GADL1: variants seen among roughly 807,000 people sequenced by gnomAD.
The protein encoded by GADL1 is acidic amino acid decarboxylase GADL1.
In GADL1, 71 loss-of-function variants were observed where a neutral mutation model predicts 69.5. That is an observed-to-expected ratio of 1.02 (90% confidence interval 0.84 to 1.25). GADL1 has a LOEUF of 1.25. Ranked by LOEUF, GADL1 falls within the 50% of genes most tolerant of loss-of-function variation. The probability of loss-of-function intolerance (pLI) is 0.00; values close to 1 mark genes in which losing one functional copy is unlikely to be tolerated. For synonymous variants in GADL1, 254 were observed against 214.4 expected (o/e 1.18, Z -1.62); for missense variants, 737 against 631.8 (o/e 1.17, Z -1.79).
intron 14 of GADL1, among the ~76,000 whole-genome samples, chr3:30,768,987 A>G (rs964439334): frequency 6.6e-6 from 1 of 152,166 alleles, no homozygotes; most frequent in Non-Finnish European, 1.5e-5. Context: ...CCAGGGGTCT[A>G]TTCTTTGTTT....
chr3:30,889,084 T>TATAA (rs1698748582), intron 1 of GADL1, among the ~76,000 whole-genome samples: 1 of 32,916 alleles, frequency 3.0e-5, no homozygotes, highest in Non-Finnish European at 6.7e-5. Context: ...CGGTAATCTA[T>TATAA]AAAAAAAAAA....
chr3:30,821,038 T>C (rs1697569783), intron 11 of GADL1, among the ~76,000 whole-genome samples: 1 of 151,766 alleles, frequency 6.6e-6, no homozygotes, highest in African/African-American at 2.4e-5. Flanking sequence ...TGGATGAAAA[T>C]TGGAAATCAT....
chr3:30,864,212 G>T (rs956353798), intron 1 of GADL1, among the ~76,000 whole-genome samples: 4 of 151,916 alleles, frequency 2.6e-5, no homozygotes, highest in African/African-American at 9.7e-5. Context: ...GGTTATGTGA[G>T]TAGGCAGTGC....
intron 11 of GADL1, among the ~76,000 whole-genome samples, chr3:30,828,461 C>A: frequency 8.4e-6 from 1 of 119,066 alleles, no homozygotes; most frequent in Non-Finnish European, 1.9e-5. Context: ...TCTGCTACTC[C>A]TTCTCCAAAA....
intron 1 of GADL1, among the ~76,000 whole-genome samples, chr3:30,881,673 G>C (rs1251817330): frequency 6.6e-6 from 1 of 151,910 alleles, no homozygotes; most frequent in Non-Finnish European, 1.5e-5. Flanking sequence ...GTTATGATCA[G>C]TGCTGTCTAG....
intron 11 of GADL1, among the ~76,000 whole-genome samples, chr3:30,812,390 G>A (rs1047896023): frequency 1.2e-4 from 18 of 152,312 alleles, no homozygotes; most frequent in Admixed American, 9.8e-4. Context: ...ACAGTTCCAC[G>A]TGGCTGGGAA....
chr3:30,763,508 G>GGGGGTGGGGGTGGGGGT (rs1430321518), intron 14 of GADL1, among the ~76,000 whole-genome samples: 5 of 93,320 alleles, frequency 5.4e-5, no homozygotes, highest in African/African-American at 2.2e-4. Context: ...TCTCGGCGGC[G>GGGGGTGGGGGTGGGGGT]GGGGGTGGGG....
intron 14 of GADL1, among the ~76,000 whole-genome samples, chr3:30,758,176 C>T (rs1184272920): frequency 1.3e-5 from 2 of 152,214 alleles, no homozygotes; most frequent in East Asian, 1.9e-4. Flanking sequence ...CTTGGCTTTA[C>T]TCAACATTCT....
chr3:30,761,588 T>C (rs931930123), intron 14 of GADL1, among the ~76,000 whole-genome samples: 3 of 152,232 alleles, frequency 2.0e-5, no homozygotes, highest in African/African-American at 4.8e-5. Context: ...ATCTTTGTTC[T>C]GTGTCCAGGA....
intron 12 of GADL1, among the ~76,000 whole-genome samples, chr3:30,794,472 T>A (rs1414204183): frequency 2.6e-5 from 4 of 152,204 alleles, no homozygotes; most frequent in Non-Finnish European, 5.9e-5. Flanking sequence ...AAATGTACAG[T>A]CACTGGCTTT....
chr3:30,847,431 A>G (rs1698077658), intron 6 of GADL1, among the ~76,000 whole-genome samples: 2 of 152,210 alleles, frequency 1.3e-5, no homozygotes, highest in Admixed American at 1.3e-4. Flanking sequence ...CCCTTAAAAG[A>G]AAATAAGGGA....
chr3:30,729,788 T>C (rs552472838), intron 14 of GADL1, among the ~76,000 whole-genome samples: 1 of 152,096 alleles, frequency 6.6e-6, no homozygotes, highest in African/African-American at 2.4e-5. Context: ...AACTCAACAC[T>C]TTTTTTTCCA....
chr3:30,849,749 T>C (rs909768752), intron 6 of GADL1, among the ~76,000 whole-genome samples: 2 of 152,072 alleles, frequency 1.3e-5, no homozygotes, highest in African/African-American at 4.8e-5. Context: ...CACTTTCAAA[T>C]TAAATATTCT....
At chr3:30,747,511 C>T (rs914810128) in intron 14 of GADL1, among the ~76,000 whole-genome samples, 10 of 152,174 alleles carry the variant, frequency 6.6e-5, no homozygotes, top group African/African-American at 2.2e-4. Context: ...TTCACATCTA[C>T]CCATACATTT....
intron 11 of GADL1, among the ~76,000 whole-genome samples, chr3:30,817,362 T>C (rs1344583307): frequency 1.3e-5 from 2 of 152,182 alleles, no homozygotes; most frequent in Non-Finnish European, 2.9e-5. Context: ...TCTGTGAAAT[T>C]AACCTTGCCA....
chr3:30,882,631 G>T (rs1460727816), intron 1 of GADL1, among the ~76,000 whole-genome samples: 2 of 151,884 alleles, frequency 1.3e-5, no homozygotes, highest in Non-Finnish European at 2.9e-5. Flanking sequence ...ATGAACATTG[G>T]TGTGCAAATA....
intron 13 of GADL1, among the ~76,000 whole-genome samples, chr3:30,781,726 G>A (rs753284525): frequency 3.9e-5 from 6 of 152,210 alleles, no homozygotes; most frequent in Admixed American, 2.0e-4. Flanking sequence ...AAATGTAGAT[G>A]ATGTCTGCCC....
intron 14 of GADL1, among the ~76,000 whole-genome samples, chr3:30,752,241 G>T (rs963361291): frequency 6.6e-6 from 1 of 152,158 alleles, no homozygotes; most frequent in Non-Finnish European, 1.5e-5. Flanking sequence ...ACTTAAGGGA[G>T]GCTAGATCCA....
In GADL1 at chr3:30,759,147, C is replaced by T. The variant is rs544038013; in HGVS notation, c.1392+19032G>A. ...CATCTCGTAAGGCAAATCCACAATT[C>T]GACAGGCCTCTGCAGATTGGAGCAG... On this transcript the variant is annotated intron_variant, in intron 14 of 14. Transcript: ENST00000282538. Among the ~76,000 whole-genome samples, 17 of 152,246 alleles carry T rather than the reference C, an allele frequency of 1.1e-4. No homozygotes were observed. In the East Asian group the frequency reaches 2.3e-3, roughly 21 times the overall value.
Sources: allele counts gnomAD v4.1 joint callset (sites outside exome capture counted in the v4.1 genomes callset), GRCh38; gene constraint gnomAD v4.1.1; transcripts MANE v1.5; gene names NCBI Gene and HGNC (gene_info 2026-07-23, HGNC 2026-07-21).